ITCH: variants seen among roughly 807,000 people sequenced by gnomAD.
ITCH encodes itchy E3 ubiquitin protein ligase, also known as E3 ubiquitin-protein ligase Itchy homolog.
Under a neutral mutation model 126.8 loss-of-function variants are expected in ITCH, and 28 were observed. The ratio of observed to expected loss-of-function variants is 0.22; its 90% CI spans 0.16 to 0.30. ITCH has a LOEUF of 0.30. ITCH is among the 10% of genes least tolerant of loss of function. The pLI is 1.00. For synonymous variants in ITCH, 342 were observed against 340.0 expected (o/e 1.01, Z -0.06); for missense variants, 631 against 1,032.4 (o/e 0.61, Z 5.33).
At chr20:34,500,350 T>A (rs1990169596) in intron 23 of ITCH, among the ~76,000 whole-genome samples, 1 of 152,216 alleles carries the variant, frequency 6.6e-6, no homozygotes, top group African/African-American at 2.4e-5. Context: ...ATATCTGGGT[T>A]CTTTGGTGTT....
intron 6 of ITCH, chr20:34,417,340 G>A (rs1423732210): frequency 1.8e-5 from 6 of 336,646 alleles, no homozygotes; most frequent in African/African-American, 4.5e-5. Context: ...CAGGTGATCC[G>A]CCTGCCTCGA....
intron 7 of ITCH, among the ~76,000 whole-genome samples, chr20:34,432,581 GAA>G (rs1162382576): frequency 2.6e-5 from 4 of 152,192 alleles, no homozygotes; most frequent in African/African-American, 9.7e-5. Flanking sequence ...ACTTTATGGT[GAA>G]ATGGGTGTTT....
intron 2 of ITCH, among the ~76,000 whole-genome samples, chr20:34,391,725 G>A (rs1386326091): frequency 2.6e-5 from 4 of 152,102 alleles, no homozygotes; most frequent in Non-Finnish European, 5.9e-5. Context: ...TTTTGGCAGA[G>A]CACCTCACAA....
At chr20:34,460,806 C>T (rs73257175) in intron 13 of ITCH, among the ~76,000 whole-genome samples, 2,982 of 152,132 alleles carry the variant, frequency 0.02, 92 homozygotes, top group African/African-American at 0.059. Flanking sequence ...GGATCACTTC[C>T]GGTCAGGAGT....
At chr20:34,440,595 T>C (rs556048365) in intron 9 of ITCH, among the ~76,000 whole-genome samples, 107 of 152,226 alleles carry the variant, frequency 7.0e-4, no homozygotes, top group Middle Eastern at 3.4e-3. Flanking sequence ...TAGCTAGGAT[T>C]ACAGGTGTGC....
chr20:34,386,095 G>GTTTTTTTTTTTTTT (rs58468663), intron 2 of ITCH, among the ~76,000 whole-genome samples: 2 of 144,766 alleles, frequency 1.4e-5, no homozygotes, highest in African/African-American at 5.1e-5. Flanking sequence ...CGGCTCCTTT[G>GTTTTTTTTTTTTTT]TTTTTTTTTT....
intron 12 of ITCH, among the ~76,000 whole-genome samples, chr20:34,455,642 T>G (rs934876712): frequency 6.6e-6 from 1 of 151,490 alleles, no homozygotes; most frequent in Non-Finnish European, 1.5e-5. Flanking sequence ...TTTTTTTTTT[T>G]TCTTTTTTGT....
At position 34,456,158 on chromosome 20, in the gene ITCH, T is replaced by TTGTG. The variant is rs1161624865; in HGVS notation, c.1211-1208_1211-1205dup. Among the ~76,000 whole-genome samples the TTGTG allele has an allele frequency of 1.4e-3, 69 of 47,698 alleles. 1 individual carries two copies. The highest frequency in any genetic ancestry group is 0.011 in the South Asian group (8 of 710). 31.3% of individuals were successfully genotyped at this position (47,698 alleles called of 152,430 possible). ...CTTATTTTATATATATTTTTATATA[T>TTGTG]TGTGTGTGTGTGTGTGTGTGTGTGT... On this transcript the variant is annotated intron_variant, in intron 12 of 24. Transcript: ENST00000374864.
At chr20:34,386,689 G>C (rs1258158433) in intron 2 of ITCH, among the ~76,000 whole-genome samples, 1 of 152,108 alleles carries the variant, frequency 6.6e-6, no homozygotes. Flanking sequence ...GATGTGGCCT[G>C]TAAAAATATC....
intron 2 of ITCH, among the ~76,000 whole-genome samples, chr20:34,377,090 C>G (rs2037875188): frequency 6.6e-6 from 1 of 152,042 alleles, no homozygotes; most frequent in African/African-American, 2.4e-5. Flanking sequence ...AAAGAAAAAC[C>G]AGGCCAGGCA....
rs1418505477 is a variant in ITCH at position 34,503,286 on chromosome 20, G to A, written c.2417-1045G>A. Among the ~76,000 whole-genome samples, 15 of 152,080 alleles carry A rather than the reference G, an allele frequency of 9.9e-5. No homozygotes were observed. In the East Asian group the frequency reaches 2.1e-3, roughly 21 times the overall value. On this transcript the variant is annotated intron_variant, in intron 23 of 24. Coordinates refer to ENST00000374864, the MANE Select transcript of ITCH (RefSeq NM_031483.7). Reference sequence around the variant, plus strand: ...TGTCACACATTACAGAACAGTTAGCGTTCCTGCCCCCTTCTAATTAAAATA... The same window carrying A: ...TGTCACACATTACAGAACAGTTAGCATTCCTGCCCCCTTCTAATTAAAATA...
At chr20:34,369,667 A>C (rs2037545916) in intron 2 of ITCH, 197 bp downstream of exon 2, 2 of 384,504 alleles carry the variant, frequency 5.2e-6, no homozygotes, top group Non-Finnish European at 9.2e-6. Context: ...CTGTGCTCTT[A>C]ATTTGGGTTT....
At chr20:34,464,333 T>C (rs942335298) in intron 14 of ITCH, among the ~76,000 whole-genome samples, 2 of 151,006 alleles carry the variant, frequency 1.3e-5, no homozygotes, top group African/African-American at 2.4e-5. Flanking sequence ...TTTTTTTTTT[T>C]TGAGACGGAG....
intron 23 of ITCH, among the ~76,000 whole-genome samples, chr20:34,503,269 A>C (rs1046996428): frequency 1.3e-5 from 2 of 152,214 alleles, no homozygotes; most frequent in Admixed American, 1.3e-4. Flanking sequence ...AGTGTCACAC[A>C]TTACAGAACA....
intron 2 of ITCH, among the ~76,000 whole-genome samples, chr20:34,386,826 C>G (rs2038300362): frequency 6.6e-6 from 1 of 152,088 alleles, no homozygotes; most frequent in South Asian, 2.1e-4. Flanking sequence ...GCTTAAGAGA[C>G]AAGATATTAC....
At chr20:34,404,938 A>G (rs1045876804) in intron 3 of ITCH, among the ~76,000 whole-genome samples, 3 of 151,794 alleles carry the variant, frequency 2.0e-5, no homozygotes, top group Non-Finnish European at 4.4e-5. Flanking sequence ...GTACAAGACC[A>G]ACTTGGGCAA....
rs1471766248 is a variant in ITCH at position 34,471,622 on chromosome 20, C to G, written c.1569+107C>G. On this transcript the variant is annotated intron_variant, in intron 16 of 24. Coordinates refer to ENST00000374864, the MANE Select transcript of ITCH (RefSeq NM_031483.7). ...GGTTTGGAACTTCTTGAGTTGAAGTCCTTGAATTTTTCAAGTGCGATCTCA... is the reference window on the plus strand; with the variant it reads ...GGTTTGGAACTTCTTGAGTTGAAGTGCTTGAATTTTTCAAGTGCGATCTCA... 18 of 752,312 alleles carry G rather than the reference C, an allele frequency of 2.4e-5. 1 individual carries two copies. In the Admixed American group the frequency reaches 3.6e-4, roughly 15 times the overall value. The allele number at this position is 752,312 out of a possible 1,614,324, so 46.6% of individuals were successfully genotyped here.
chr20:34,364,722 T>TAAAAAAAAA (rs2037344605), intron 1 of ITCH, among the ~76,000 whole-genome samples: 4 of 16,994 alleles, frequency 2.4e-4, no homozygotes, highest in African/African-American at 3.5e-4. Context: ...CTACTAAAAA[T>TAAAAAAAAA]ACAAAAAAAA....
intron 2 of ITCH, among the ~76,000 whole-genome samples, chr20:34,378,723 A>T (rs1200259844): frequency 6.6e-6 from 1 of 152,140 alleles, no homozygotes; most frequent in East Asian, 1.9e-4. Flanking sequence ...TTCTGCAATT[A>T]AAAGAGATTT....
Sources: allele counts gnomAD v4.1 joint callset (sites outside exome capture counted in the v4.1 genomes callset), GRCh38; gene constraint gnomAD v4.1.1; transcripts MANE v1.5; gene names NCBI Gene and HGNC (gene_info 2026-07-23, HGNC 2026-07-21).